PDE3A: variants seen among roughly 807,000 people sequenced by gnomAD.
PDE3A encodes the protein phosphodiesterase 3A.
A neutral mutation model predicts 98.3 loss-of-function variants in PDE3A; 43 were observed. The observed-to-expected ratio is 0.44, with a 90% CI of 0.34 to 0.56. The LOEUF (loss-of-function observed/expected upper bound fraction) is 0.56, where lower values mean the gene tolerates loss of function less well. PDE3A is among the 20% of genes least tolerant of loss of function. The probability of loss-of-function intolerance (pLI) is 0.01; values close to 1 mark genes in which losing one functional copy is unlikely to be tolerated. For missense variants in PDE3A, 1,427 were observed against 1,440.7 expected (o/e 0.99, Z 0.15); for synonymous variants, 663 against 567.9 (o/e 1.17, Z -2.38).
intron 1 of PDE3A, among the ~76,000 whole-genome samples, chr12:20,526,272 T>G (rs1022271537): frequency 2.0e-5 from 3 of 152,206 alleles, no homozygotes; most frequent in Admixed American, 2.0e-4. Flanking sequence ...TGACTTCTAG[T>G]CAGCAACTCT....
rs1443221260 is a variant in PDE3A at position 20,683,668 on chromosome 12, T to C, written c.*3397T>C. The C allele has an allele frequency of 6.6e-6, 1 of 152,162 alleles. No individual in the cohort carries two copies. The highest frequency in any genetic ancestry group is 1.5e-5 in the Non-Finnish European group (1 of 68,024). 9.4% of individuals were successfully genotyped at this position (152,162 alleles called of 1,614,324 possible). A position where few individuals can be genotyped will look rare whatever the true frequency, so the allele number is the denominator to read the frequency against. On this transcript the variant is annotated 3_prime_UTR_variant, in exon 16 of 16. Coordinates refer to ENST00000359062, the MANE Select transcript of PDE3A (RefSeq NM_000921.5). ...TTTTTGTCATTTAGATAAGACCTGG[T>C]TTGGCTCTCAATAAAAGATGAAGAC...
chr12:20,671,236 C>G lies in PDE3A; in HGVS notation c.3185-8794C>G, dbSNP rs545284398. 2.9e-3 allele frequency among the ~76,000 whole-genome samples: 438 copies of G among 148,896 alleles called. 16 individuals are homozygous for G. Among genetic ancestry groups the G allele is most frequent in the African/African-American group, 0.01 (402 of 38,962 alleles). On this transcript the variant is annotated intron_variant, in intron 15 of 15. Coordinates refer to ENST00000359062, the MANE Select transcript of PDE3A (RefSeq NM_000921.5). ...TTTACCAACAAAAAAGAGTCCAGGA[C>G]CAGATGGATTCACAGCTGAATTCTA...
intron 15 of PDE3A, among the ~76,000 whole-genome samples, chr12:20,677,321 T>C (rs996001338): frequency 6.6e-6 from 1 of 152,182 alleles, no homozygotes; most frequent in East Asian, 1.9e-4. Context: ...TTTCAAAAAA[T>C]TCTTATTCAT....
chr12:20,398,051 G>GTTT (rs57766880), intron 1 of PDE3A, among the ~76,000 whole-genome samples: 152 of 137,504 alleles, frequency 1.1e-3, no homozygotes, highest in African/African-American at 3.4e-3. Context: ...TTTTTTTTTT[G>GTTT]TTTTTTTTTT....
intron 1 of PDE3A, among the ~76,000 whole-genome samples, chr12:20,553,549 A>G (rs1027796663): frequency 7.3e-6 from 1 of 136,602 alleles, no homozygotes; most frequent in Non-Finnish European, 1.6e-5. Flanking sequence ...TGTTGCAAGG[A>G]AAAGAGGAAA....
At chr12:20,491,311 AG>A (rs1945821487) in intron 1 of PDE3A, among the ~76,000 whole-genome samples, 1 of 152,116 alleles carries the variant, frequency 6.6e-6, no homozygotes, top group African/African-American at 2.4e-5. Context: ...CTCTAATGAA[AG>A]GGTTGGGTAT....
intron 2 of PDE3A, among the ~76,000 whole-genome samples, chr12:20,573,083 A>G (rs2121316712): frequency 6.6e-6 from 1 of 152,210 alleles, no homozygotes; most frequent in African/African-American, 2.4e-5. Flanking sequence ...CTTTGATGGT[A>G]AGTTTTTCGT....
intron 15 of PDE3A, among the ~76,000 whole-genome samples, chr12:20,660,115 C>T (rs1191384399): frequency 1.3e-5 from 2 of 152,036 alleles, no homozygotes; most frequent in African/African-American, 4.8e-5. Flanking sequence ...GTTCTCATGA[C>T]AGTGAGTGAC....
intron 1 of PDE3A, among the ~76,000 whole-genome samples, chr12:20,528,538 TTA>T (rs1434697663): frequency 2.0e-5 from 3 of 152,198 alleles, no homozygotes; most frequent in Admixed American, 2.0e-4. Flanking sequence ...GCAACCTTGA[TTA>T]TGTTTATAAT....
chr12:20,674,463 G>A (rs773056530), intron 15 of PDE3A, among the ~76,000 whole-genome samples: 17 of 152,238 alleles, frequency 1.1e-4, no homozygotes, highest in African/African-American at 3.8e-4. Flanking sequence ...GTTGAGGCAT[G>A]TTCCTTCCTA....
chr12:20,422,378 G>A (rs374480007), intron 1 of PDE3A, among the ~76,000 whole-genome samples: 1 of 151,918 alleles, frequency 6.6e-6, no homozygotes, highest in Non-Finnish European at 1.5e-5. Context: ...ACTAACTGTC[G>A]AGTCTTTTAA....
intron 15 of PDE3A, among the ~76,000 whole-genome samples, chr12:20,678,594 G>A (rs561899119): frequency 6.6e-5 from 10 of 152,260 alleles, no homozygotes; most frequent in Non-Finnish European, 1.3e-4. Context: ...TTGTTCCTGC[G>A]TTTGTCTCTG....
chr12:20,581,675 C>G (rs539339901), intron 2 of PDE3A, among the ~76,000 whole-genome samples: 9 of 146,340 alleles, frequency 6.2e-5, no homozygotes, highest in East Asian at 2.0e-4. Flanking sequence ...TACAGTGGCA[C>G]GATCTCGGCT....
At chr12:20,435,414 T>C (rs1944763824) in intron 1 of PDE3A, among the ~76,000 whole-genome samples, 1 of 152,198 alleles carries the variant, frequency 6.6e-6, no homozygotes, top group Non-Finnish European at 1.5e-5. Flanking sequence ...CAGTATGTAC[T>C]GAAATAGTGA....
At chr12:20,487,501 T>TAAAAA (rs34671800) in intron 1 of PDE3A, among the ~76,000 whole-genome samples, 4,542 of 61,926 alleles carry the variant, frequency 0.073, 302 homozygotes, top group African/African-American at 0.14. Flanking sequence ...CTGTCTCTAC[T>TAAAAA]AAAAAAAAAA....
At chr12:20,549,789 C>T (rs902842750) in intron 1 of PDE3A, among the ~76,000 whole-genome samples, 61 of 152,170 alleles carry the variant, frequency 4.0e-4, no homozygotes, top group African/African-American at 1.5e-3. Flanking sequence ...CTGCATATTT[C>T]TCAGTTTGTT....
intron 2 of PDE3A, among the ~76,000 whole-genome samples, chr12:20,589,868 T>TAAAAAAAAAAAAAAAAAAAAAAAA: frequency 8.9e-6 from 1 of 112,398 alleles, no homozygotes; most frequent in Non-Finnish European, 1.8e-5. Flanking sequence ...GACTGCATCT[T>TAAAAAAAAAAAAAAAAAAAAAAAA]AAAAAAAAAA....
intron 1 of PDE3A, among the ~76,000 whole-genome samples, chr12:20,415,043 C>G (rs543374008): frequency 1.3e-3 from 199 of 151,458 alleles, no homozygotes; most frequent in Non-Finnish European, 2.5e-3. Flanking sequence ...TCCAAAAAAG[C>G]TTTTATTTAA....
chr12:20,646,574 T>A lies in PDE3A; in HGVS notation c.2336T>A (p.Ile779Asn), dbSNP rs771236561. The change falls in exon 11 of 16, where the codon ATT becomes AAT. Residue 779 changes from isoleucine (I) to asparagine (N), a missense_variant. Around this residue, in one of 3 missense-constraint regions of PDE3A, gnomAD observed 273 missense variants for 420.3 expected, o/e 0.65. Coordinates refer to ENST00000359062, the MANE Select transcript of PDE3A (RefSeq NM_000921.5). ...TQPIPGLSTV[I>N]NDHGSTSDSD... ...CCTATTCCAGGCCTCTCAACTGTGA[T>A]TAATGATCATGGTTCAACCAGTGAT... 12 of 1,603,808 alleles carry A rather than the reference T, an allele frequency of 7.5e-6. No individual in the cohort carries two copies. Among genetic ancestry groups the A allele is most frequent in the Non-Finnish European group, 8.5e-6 (10 of 1,170,726 alleles).
Sources: allele counts gnomAD v4.1 joint callset (sites outside exome capture counted in the v4.1 genomes callset), GRCh38; gene constraint gnomAD v4.1.1; regional missense constraint gnomAD v4.1.1; transcripts MANE v1.5; gene names NCBI Gene and HGNC (gene_info 2026-07-23, HGNC 2026-07-21).